The following FMN2 variants were observed in gnomAD, a reference collection of about 807,000 sequenced individuals.
FMN2 encodes the protein formin-2.
A neutral mutation model predicts 142.3 loss-of-function variants in FMN2; 51 were observed. The observed-to-expected ratio is 0.36, with a 90% CI of 0.29 to 0.45. FMN2 has a LOEUF of 0.45. Among genes scored for constraint, FMN2 ranks in the 20% least tolerant of loss-of-function variants. The pLI, the probability that FMN2 is intolerant of heterozygous loss-of-function variation, is 1.00. For missense variants in FMN2, 1,936 were observed against 2,122.8 expected (o/e 0.91, Z 1.73); for synonymous variants, 882 against 869.8 (o/e 1.01, Z -0.25).
intron 14 of FMN2, among the ~76,000 whole-genome samples, chr1:240,361,739 T>G (rs531632776): frequency 6.6e-6 from 1 of 152,326 alleles, no homozygotes; most frequent in South Asian, 2.1e-4. Flanking sequence ...TGAGCTGAAC[T>G]TGGCATAGAG....
intron 15 of FMN2, among the ~76,000 whole-genome samples, chr1:240,419,736 A>G (rs1674702871): frequency 6.6e-6 from 1 of 152,224 alleles, no homozygotes; most frequent in Non-Finnish European, 1.5e-5. Context: ...CCTTGCTACC[A>G]TGTTTCAGGG....
chr1:240,095,114 AAAAG>A (rs946932621), intron 1 of FMN2, among the ~76,000 whole-genome samples: 7 of 152,208 alleles, frequency 4.6e-5, no homozygotes, highest in East Asian at 1.9e-4. Flanking sequence ...AAACAAATAA[AAAAG>A]AAAGATCACT....
intron 5 of FMN2, among the ~76,000 whole-genome samples, chr1:240,209,819 G>T (rs1180510664): frequency 1.3e-5 from 2 of 151,932 alleles, no homozygotes; most frequent in Non-Finnish European, 2.9e-5. Context: ...CAGGAGAATG[G>T]CATGAACCCG....
At position 240,159,905 on chromosome 1, in the gene FMN2, G is replaced by GTATATA. The variant is rs34012500; in HGVS notation, c.1783-17994_1783-17989dup. Reference sequence around the variant, plus strand: ...TGGAGAGATATATATATATATCTGTGTATATATATATATATATATATATAT... The same window carrying GTATATA: ...TGGAGAGATATATATATATATCTGTGTATATATATATATATATATATATATATATAT... On this transcript the variant is annotated intron_variant, in intron 2 of 17. Coordinates refer to ENST00000319653, the MANE Select transcript of FMN2 (RefSeq NM_020066.5). Among the ~76,000 whole-genome samples the GTATATA allele has an allele frequency of 7.1e-3, 851 of 120,058 alleles. 4 individuals are homozygous for GTATATA. The highest frequency in any genetic ancestry group is 0.012 in the African/African-American group (402 of 34,014). 78.8% of individuals were successfully genotyped at this position (120,058 alleles called of 152,430 possible). A position where few individuals can be genotyped will look rare whatever the true frequency, so the allele number is the denominator to read the frequency against.
At chr1:240,284,490 T>C (rs1035567729) in intron 7 of FMN2, among the ~76,000 whole-genome samples, 1 of 152,180 alleles carries the variant, frequency 6.6e-6, no homozygotes, top group African/African-American at 2.4e-5. Context: ...AGAATACAGA[T>C]GATAGCTTCT....
intron 16 of FMN2, among the ~76,000 whole-genome samples, chr1:240,439,845 G>T (rs1572315993): frequency 4.6e-5 from 7 of 152,038 alleles, no homozygotes; most frequent in Non-Finnish European, 1.0e-4. Flanking sequence ...TTTAACTTTA[G>T]CACGTCACAC....
At chr1:240,183,106 T>A (rs545958695) in intron 3 of FMN2, among the ~76,000 whole-genome samples, 1 of 151,828 alleles carries the variant, frequency 6.6e-6, no homozygotes, top group South Asian at 2.1e-4. Flanking sequence ...TTTGTAGATA[T>A]GAGGTTTTGT....
Position 240,397,333 on chromosome 1 carries a change from T to C in FMN2, c.4910+4771T>C, listed in dbSNP as rs898315253. Among the ~76,000 whole-genome samples the C allele has an allele frequency of 4.6e-5, 7 of 152,326 alleles. No homozygotes were observed. In the South Asian group the frequency reaches 1.2e-3, roughly 27 times the overall value. ...CTTGTTGATTTGTTTAAGTTCCTTG[T>C]AGTATTGCAATCTTGAGTCTGAAGC... On this transcript the variant is annotated intron_variant, in intron 15 of 17. Transcript: ENST00000319653.
intron 15 of FMN2, among the ~76,000 whole-genome samples, chr1:240,415,205 C>A (rs1005038743): frequency 6.6e-6 from 1 of 152,126 alleles, no homozygotes; most frequent in African/African-American, 2.4e-5. Context: ...ACTATGCAGC[C>A]ATAAAAAGGA....
At chr1:240,463,836 C>G (rs1431834892) in intron 16 of FMN2, among the ~76,000 whole-genome samples, 1 of 151,892 alleles carries the variant, frequency 6.6e-6, no homozygotes, top group East Asian at 1.9e-4. Flanking sequence ...AGCCCCGTCT[C>G]TAGTTAAAAC....
chr1:240,182,655 A>T (rs753423937), intron 3 of FMN2, among the ~76,000 whole-genome samples: 1 of 152,210 alleles, frequency 6.6e-6, no homozygotes, highest in Non-Finnish European at 1.5e-5. Context: ...GGAATTTAGG[A>T]TGGAACAATA....
At chr1:240,457,014 T>C (rs555707679) in intron 16 of FMN2, among the ~76,000 whole-genome samples, 1 of 152,226 alleles carries the variant, frequency 6.6e-6, no homozygotes. Context: ...CTTGGACTTT[T>C]CTGATTCATT....
At chr1:240,126,360 A>C (rs1662504928) in intron 2 of FMN2, among the ~76,000 whole-genome samples, 4 of 147,474 alleles carry the variant, frequency 2.7e-5, no homozygotes, top group African/African-American at 7.7e-5. Context: ...TACCCTTCCT[A>C]CCTACCCCCC....
chr1:240,306,096 T>C (rs1391436537), intron 8 of FMN2, among the ~76,000 whole-genome samples: 3 of 151,854 alleles, frequency 2.0e-5, no homozygotes, highest in Non-Finnish European at 2.9e-5. Context: ...ATTACAGGCA[T>C]GTACCACCAT....
At chr1:240,371,613 G>A (rs368720047) in intron 14 of FMN2, among the ~76,000 whole-genome samples, 2 of 152,270 alleles carry the variant, frequency 1.3e-5, no homozygotes, top group Non-Finnish European at 2.9e-5. Flanking sequence ...AAATACCAAC[G>A]TGTTGATTCA....
intron 2 of FMN2, among the ~76,000 whole-genome samples, chr1:240,163,761 A>G (rs1206591475): frequency 6.6e-6 from 1 of 151,954 alleles, no homozygotes; most frequent in Non-Finnish European, 1.5e-5. Flanking sequence ...TATCTGTTCT[A>G]TAGTCCTTTT....
intron 14 of FMN2, among the ~76,000 whole-genome samples, chr1:240,377,797 C>T (rs1431507214): frequency 2.0e-5 from 3 of 152,008 alleles, no homozygotes; most frequent in Admixed American, 2.0e-4. Flanking sequence ...AATTTAATTC[C>T]CCCTTAATTT....
At chr1:240,324,909 A>G (rs1182870521) in intron 8 of FMN2, among the ~76,000 whole-genome samples, 1 of 152,152 alleles carries the variant, frequency 6.6e-6, no homozygotes, top group African/African-American at 2.4e-5. Flanking sequence ...TTTACAAACT[A>G]TGAGGGGAAT....
chr1:240,380,927 C>A (rs1008989638), intron 14 of FMN2, among the ~76,000 whole-genome samples: 11 of 151,938 alleles, frequency 7.2e-5, no homozygotes, highest in African/African-American at 2.7e-4. Flanking sequence ...CAAAGAAATA[C>A]AAAAATCATC....
Sources: gnomAD v4.1 joint callset for allele counts (sites outside exome capture counted in the v4.1 genomes callset) on GRCh38, gnomAD v4.1.1 for gene constraint, MANE v1.5 for transcripts, NCBI Gene and HGNC (gene_info 2026-07-23, HGNC 2026-07-21) for gene names.